YTHDC1: variants seen among roughly 807,000 people sequenced by gnomAD.
YTHDC1 encodes YTH domain-containing protein 1.
A neutral mutation model predicts 107.0 loss-of-function variants in YTHDC1; 12 were observed. The observed-to-expected ratio is 0.11, with a 90% CI of 0.07 to 0.18. The LOEUF (loss-of-function observed/expected upper bound fraction) is 0.18. Among genes scored for constraint, YTHDC1 ranks in the 10% least tolerant of loss-of-function variants. The pLI, the probability that YTHDC1 is intolerant of heterozygous loss-of-function variation, is 1.00. For synonymous variants in YTHDC1, 280 were observed against 289.5 expected (o/e 0.97, Z 0.33); for missense variants, 635 against 898.8 (o/e 0.71, Z 3.75).
Position 68,316,295 on chromosome 4 carries a change from T to C in YTHDC1, c.1959+19A>G, listed in dbSNP as rs1560469935. ...ATTCTAAGTAGTTCCCTCACACCTT[T>C]GCCTCCTTGTGCACTTACTACTCGT... On this transcript the variant is annotated intron_variant, in intron 16 of 16. Transcript: ENST00000344157. 6.2e-7 allele frequency: 1 copy of C among 1,604,304 alleles called. No homozygotes were observed. Among genetic ancestry groups the C allele is most frequent in the Admixed American group, 1.7e-5 (1 of 58,776 alleles).
intron 15 of YTHDC1, among the ~76,000 whole-genome samples, chr4:68,316,868 G>A (rs1721916047): frequency 6.6e-6 from 1 of 152,268 alleles, no homozygotes; most frequent in East Asian, 1.9e-4. Context: ...GGTGAAGCAG[G>A]CATACGGCAT....
At chr4:68,333,239 A>T in intron 5 of YTHDC1, 69 bp downstream of exon 5, 1 of 1,212,864 alleles carries the variant, frequency 8.2e-7, no homozygotes, top group Non-Finnish European at 1.2e-6. Context: ...ACTAAACTAC[A>T]GCCTCCACAC....
At chr4:68,341,096 CAT>C (rs1338372769) in intron 1 of YTHDC1, among the ~76,000 whole-genome samples, 1 of 152,000 alleles carries the variant, frequency 6.6e-6, no homozygotes, top group Non-Finnish European at 1.5e-5. Flanking sequence ...ATATACAAAT[CAT>C]ATAAAATAGA....
Position 68,330,127 on chromosome 4 carries a change from AATCAT to A in YTHDC1, c.1232-13_1232-9del. The A allele has an allele frequency of 1.2e-6, 2 of 1,605,390 alleles. No individual in the cohort carries two copies. The highest frequency in any genetic ancestry group is 1.7e-6 in the Non-Finnish European group (2 of 1,173,134). ...AAGAAAGTCTTGCAAACCCTAAGAG[AATCAT>A]ATCATAATATAATATGTAGATGCTA... On this transcript the variant is annotated splice_polypyrimidine_tract_variant and intron_variant, in intron 8 of 16. Transcript: ENST00000344157.
chr4:68,324,679 C>T (rs539601357), intron 9 of YTHDC1, among the ~76,000 whole-genome samples: 244 of 152,158 alleles, frequency 1.6e-3, no homozygotes, highest in African/African-American at 5.7e-3. Context: ...TAGAAGTGTC[C>T]CTTATTCTCA....
intron 15 of YTHDC1, among the ~76,000 whole-genome samples, chr4:68,317,764 C>G (rs775726074): frequency 6.6e-6 from 1 of 152,302 alleles, no homozygotes; most frequent in South Asian, 2.1e-4. Context: ...TATACCAGGA[C>G]AGTCATGATG....
At chr4:68,349,637 A>ACCC in intron 1 of YTHDC1, 89 bp downstream of exon 1, 2 of 124,938 alleles carry the variant, frequency 1.6e-5, no homozygotes, top group South Asian at 4.6e-5. Context: ...CCCAACCCCC[A>ACCC]CCCCCCACCC....
chr4:68,336,332 A>T (rs890497403), intron 4 of YTHDC1, among the ~76,000 whole-genome samples: 3 of 152,038 alleles, frequency 2.0e-5, no homozygotes, highest in Admixed American at 6.5e-5. Flanking sequence ...TCCCCCAAGA[A>T]AAGTTCCCCT....
chr4:68,333,411 G>A lies in YTHDC1; in HGVS notation c.884-14C>T. ...TCTTTTTCTCATCTAAAAAGAACAA[G>A]AGTTTTTTTTTTAAATCACAATACA... is the stretch of plus-strand genomic sequence containing the variant. On this transcript the variant is annotated splice_polypyrimidine_tract_variant and intron_variant, in intron 4 of 16. Coordinates refer to ENST00000344157, the MANE Select transcript of YTHDC1 (RefSeq NM_001031732.4). The A allele has an allele frequency of 6.4e-7, 1 of 1,567,616 alleles. No homozygotes were observed. Among genetic ancestry groups the A allele is most frequent in the South Asian group, 1.2e-5 (1 of 86,772 alleles).
chr4:68,347,287 T>C (rs1725555235), intron 1 of YTHDC1, among the ~76,000 whole-genome samples: 1 of 152,238 alleles, frequency 6.6e-6, no homozygotes, highest in South Asian at 2.1e-4. Context: ...ATACAATTTA[T>C]ACAAGGTGTT....
intron 15 of YTHDC1, among the ~76,000 whole-genome samples, chr4:68,318,019 C>CAA (rs1722049507): frequency 6.6e-6 from 1 of 152,194 alleles, no homozygotes; most frequent in Non-Finnish European, 1.5e-5. Flanking sequence ...TTACAGTTCT[C>CAA]AAGCCTGTAC....
At chr4:68,346,525 T>C (rs1725461020) in intron 1 of YTHDC1, among the ~76,000 whole-genome samples, 1 of 152,148 alleles carries the variant, frequency 6.6e-6, no homozygotes, top group Admixed American at 6.5e-5. Context: ...ATTCATAAGT[T>C]TTAAATTGTG....
chr4:68,349,335 T>C (rs1166433937), intron 1 of YTHDC1, among the ~76,000 whole-genome samples: 3 of 150,416 alleles, frequency 2.0e-5, no homozygotes, highest in African/African-American at 7.4e-5. Context: ...GATCGCGGCA[T>C]TAGGGGTTTT....
At chr4:68,324,348 C>A in intron 9 of YTHDC1, 125 bp from the exon 10 acceptor site, 1 of 749,196 alleles carries the variant, frequency 1.3e-6, no homozygotes, top group Non-Finnish European at 2.1e-6. Flanking sequence ...AAACCACTTA[C>A]AGTGGTTAAT....
rs1721521415 is a variant in YTHDC1, at chr4:68,313,901, G to A, written c.*198C>T. ...AAAAGTGTCAATTCAACTGTCAGCTGTGGATTTTTGGCGGATTTGAGTTTT... is the reference window on the plus strand; with the variant it reads ...AAAAGTGTCAATTCAACTGTCAGCTATGGATTTTTGGCGGATTTGAGTTTT... On this transcript the variant is annotated 3_prime_UTR_variant, in exon 17 of 17. Coordinates refer to ENST00000344157, the MANE Select transcript of YTHDC1 (RefSeq NM_001031732.4). 6.5e-6 allele frequency: 4 copies of A among 613,146 alleles called. No individual in the cohort carries two copies. Among genetic ancestry groups the A allele is most frequent in the Non-Finnish European group, 1.1e-5 (4 of 350,876 alleles). 38.0% of individuals were successfully genotyped at this position (613,146 alleles called of 1,614,324 possible). A position where few individuals can be genotyped will look rare whatever the true frequency, so the allele number is the denominator to read the frequency against.
In YTHDC1 at chr4:68,341,563, C is replaced by T. The variant is rs564767684; in HGVS notation, c.29-3179G>A. Reference sequence around the variant, plus strand: ...GAATGGCCTGCAAGAATGGTTTTTACGTTTTTAAGGCGCTTATTAACAAGA... The same window carrying T: ...GAATGGCCTGCAAGAATGGTTTTTATGTTTTTAAGGCGCTTATTAACAAGA... On this transcript the variant is annotated intron_variant, in intron 1 of 16. Coordinates refer to ENST00000344157, the MANE Select transcript of YTHDC1 (RefSeq NM_001031732.4). Among the ~76,000 whole-genome samples the T allele has an allele frequency of 1.1e-4, 17 of 151,242 alleles. No individual in the cohort carries two copies. In the South Asian group the frequency reaches 1.3e-3, roughly 11 times the overall value.
intron 11 of YTHDC1, among the ~76,000 whole-genome samples, chr4:68,320,530 T>C (rs1374504379): frequency 1.3e-5 from 2 of 150,900 alleles, no homozygotes; most frequent in Non-Finnish European, 2.9e-5. Flanking sequence ...TCAAACTAAA[T>C]ATCAGTTTTA....
At position 68,320,574 on chromosome 4, in the gene YTHDC1, T is replaced by C. The variant is rs1372694665; in HGVS notation, c.1602-369A>G. ...AACACTTTCCCAAATAAAGTCTCCA[T>C]TCAGATGAAAAATAAAAACTAGAAA... On this transcript the variant is annotated intron_variant, in intron 11 of 16. Transcript: ENST00000344157. 2.0e-5 allele frequency among the ~76,000 whole-genome samples: 3 copies of C among 152,072 alleles called. No individual in the cohort carries two copies. The East Asian group carries it at 5.8e-4, about 29-fold the overall frequency.
intron 4 of YTHDC1, among the ~76,000 whole-genome samples, chr4:68,334,427 TAGAC>T (rs755296791): frequency 1.3e-5 from 2 of 151,392 alleles, no homozygotes; most frequent in South Asian, 2.1e-4. Context: ...AACCTTGAAT[TAGAC>T]AGGCAGTTAG....
Sources: gnomAD v4.1 joint callset for allele counts (sites outside exome capture counted in the v4.1 genomes callset) on GRCh38, gnomAD v4.1.1 for gene constraint, MANE v1.5 for transcripts, NCBI Gene and HGNC (gene_info 2026-07-23, HGNC 2026-07-21) for gene names.